DSCAM: variants seen among roughly 807,000 people sequenced by gnomAD.
The protein encoded by DSCAM is cell adhesion molecule DSCAM.
DSCAM carries 47 observed loss-of-function variants against 217.7 expected under a neutral mutation model. The ratio of observed to expected loss-of-function variants is 0.22; its 90% CI spans 0.17 to 0.28. DSCAM has a LOEUF of 0.28. Among genes scored for constraint, DSCAM ranks in the 10% least tolerant of loss-of-function variants. The probability of loss-of-function intolerance (pLI) is 1.00; values close to 1 mark genes in which losing one functional copy is unlikely to be tolerated. For missense variants in DSCAM, 2,080 were observed against 2,618.3 expected, an observed-to-expected ratio of 0.79 and a Z score of 4.49; for synonymous variants, 1,056 against 1,015.3, an observed-to-expected ratio of 1.04 and a Z score of -0.76.
At chr21:40,518,382 A>ATT (rs1301989315) in intron 3 of DSCAM, among the ~76,000 whole-genome samples, 1 of 118 alleles carries the variant, frequency 8.5e-3, no homozygotes. Context: ...ATATATATAT[A>ATT]ATATATTATA....
At chr21:40,805,292 CCT>C (rs2091775973) in intron 1 of DSCAM, among the ~76,000 whole-genome samples, 1 of 152,190 alleles carries the variant, frequency 6.6e-6, no homozygotes, top group Non-Finnish European at 1.5e-5. Context: ...TCTCTTTCCC[CCT>C]CTCTGTTTTG....
intron 1 of DSCAM, among the ~76,000 whole-genome samples, chr21:40,824,403 A>ATTTTTTCTTTTTTT (rs2091952087): frequency 8.3e-6 from 1 of 121,030 alleles, no homozygotes; most frequent in African/African-American, 3.5e-5. Flanking sequence ...TTTATTATTG[A>ATTTTTTCTTTTTTT]TTTTTTTTTT....
intron 3 of DSCAM, among the ~76,000 whole-genome samples, chr21:40,425,722 C>G (rs987859945): frequency 8.0e-6 from 1 of 124,508 alleles, no homozygotes. Context: ...AACTTAAAAA[C>G]AAAAATACAG....
intron 27 of DSCAM, among the ~76,000 whole-genome samples, chr21:40,065,414 G>T (rs772738705): frequency 2.8e-4 from 42 of 152,060 alleles, no homozygotes; most frequent in Non-Finnish European, 5.4e-4. Flanking sequence ...TTTGTTGAGG[G>T]TGAGAAGAGA....
At chr21:40,378,872 C>T (rs1018433718) in intron 3 of DSCAM, among the ~76,000 whole-genome samples, 2 of 152,058 alleles carry the variant, frequency 1.3e-5, no homozygotes, top group Non-Finnish European at 2.9e-5. Flanking sequence ...GGATTACAGG[C>T]GTGAGCCACC....
intron 3 of DSCAM, among the ~76,000 whole-genome samples, chr21:40,532,615 A>G (rs1441253465): frequency 6.6e-6 from 1 of 152,196 alleles, no homozygotes; most frequent in Non-Finnish European, 1.5e-5. Flanking sequence ...GTCCGGAACA[A>G]GAAAGCAAGC....
intron 27 of DSCAM, among the ~76,000 whole-genome samples, chr21:40,074,787 C>A (rs932952772): frequency 1.1e-4 from 17 of 152,118 alleles, no homozygotes; most frequent in African/African-American, 3.9e-4. Context: ...CCTTGCATAC[C>A]AACAGCTAGG....
chr21:40,355,524 T>TGAA (rs2074682378), intron 4 of DSCAM, among the ~76,000 whole-genome samples: 1 of 152,234 alleles, frequency 6.6e-6, no homozygotes, highest in Non-Finnish European at 1.5e-5. Context: ...TGCATGACTA[T>TGAA]GAAGAATATA....
intron 1 of DSCAM, among the ~76,000 whole-genome samples, chr21:40,758,701 G>C (rs1407067642): frequency 6.6e-6 from 1 of 152,022 alleles, no homozygotes; most frequent in Non-Finnish European, 1.5e-5. Context: ...AGGCGAGGAT[G>C]AGGGGGGCAG....
At chr21:40,810,907 A>G (rs2123542291) in intron 1 of DSCAM, among the ~76,000 whole-genome samples, 1 of 150,254 alleles carries the variant, frequency 6.7e-6, no homozygotes, top group African/African-American at 2.5e-5. Context: ...CCTGTCTCTA[A>G]AAAAAATGCT....
chr21:40,830,405 C>A (rs2092003240), intron 1 of DSCAM, among the ~76,000 whole-genome samples: 1 of 152,316 alleles, frequency 6.6e-6, no homozygotes, highest in Admixed American at 6.5e-5. Context: ...ACGTCTCCCA[C>A]CAGGCCCCAC....
At chr21:40,233,782 T>G (rs2091402799) in intron 11 of DSCAM, among the ~76,000 whole-genome samples, 1 of 152,236 alleles carries the variant, frequency 6.6e-6, no homozygotes, top group Non-Finnish European at 1.5e-5. Flanking sequence ...CGGCATTTAC[T>G]TTCCCAAGCA....
At position 40,668,102 on chromosome 21, in the gene DSCAM, C is replaced by T. The variant is rs147146685; in HGVS notation, c.508+24708G>A. Among the ~76,000 whole-genome samples, 54 of 152,308 alleles carry T rather than the reference C, an allele frequency of 3.5e-4. No individual in the cohort carries two copies. In the East Asian group the frequency reaches 8.9e-3, roughly 25 times the overall value. On this transcript the variant is annotated intron_variant, in intron 3 of 32. Coordinates refer to ENST00000400454, the MANE Select transcript of DSCAM (RefSeq NM_001389.5). ...GAGATACCAAATACAGTTGCTAGAG[C>T]TCCAGGCAACAGCACTGGGATCCAG...
At chr21:40,096,317 C>T (rs2089676065) in intron 20 of DSCAM, among the ~76,000 whole-genome samples, 1 of 152,064 alleles carries the variant, frequency 6.6e-6, no homozygotes, top group South Asian at 2.1e-4. Flanking sequence ...TGTCTCATGT[C>T]TCGCTAAAAT....
chr21:40,524,941 T>A (rs1469078992), intron 3 of DSCAM, among the ~76,000 whole-genome samples: 1 of 135,092 alleles, frequency 7.4e-6, no homozygotes. Context: ...ACCCGGGAGG[T>A]GGAGGTTGCA....
chr21:40,119,477 G>C (rs1215981310), intron 20 of DSCAM, among the ~76,000 whole-genome samples: 1 of 152,068 alleles, frequency 6.6e-6, no homozygotes. Context: ...AGGACTGACG[G>C]TTCTCTAAGA....
At position 40,075,104 on chromosome 21, in the gene DSCAM, C is replaced by A. The variant is rs2089346587; in HGVS notation, c.4821G>T (p.Leu1607Phe). The change falls in exon 27 of 33, where the codon TTG becomes TTT. Residue 1607 changes from leucine (L) to phenylalanine (F), a missense_variant. This residue lies in a region of DSCAM where 1,144 missense variants were observed against 1,421.1 expected (regional missense o/e 0.81). Coordinates refer to ENST00000400454, the MANE Select transcript of DSCAM (RefSeq NM_001389.5). ...CAACCAGCAGGAGCACAAACAGCAGCAAGACCCCCACCAGGATACAGGAGA... is the reference window on the plus strand; with the variant it reads ...CAACCAGCAGGAGCACAAACAGCAGAAAGACCCCCACCAGGATACAGGAGA... Reference protein sequence around the residue: ...VTISCILVGVLLLFVLLLVVR... With the variant: ...VTISCILVGVFLLFVLLLVVR... 6.2e-7 allele frequency: 1 copy of A among 1,614,062 alleles called. No individual in the cohort carries two copies. Among genetic ancestry groups the A allele is most frequent in the African/African-American group, 1.3e-5 (1 of 74,936 alleles).
intron 3 of DSCAM, among the ~76,000 whole-genome samples, chr21:40,678,795 T>G (rs2090368819): frequency 6.6e-6 from 1 of 152,184 alleles, no homozygotes; most frequent in African/African-American, 2.4e-5. Flanking sequence ...GATAAAAAAC[T>G]GAAAGTAAAG....
intron 32 of DSCAM, among the ~76,000 whole-genome samples, chr21:40,022,362 A>T (rs2088288903): frequency 6.6e-6 from 1 of 152,250 alleles, no homozygotes; most frequent in South Asian, 2.1e-4. Flanking sequence ...TCTGGCTTCA[A>T]ATACTAACGG....
Sources: allele counts gnomAD v4.1 joint callset (sites outside exome capture counted in the v4.1 genomes callset), GRCh38; gene constraint gnomAD v4.1.1; regional missense constraint gnomAD v4.1.1; transcripts MANE v1.5; gene names NCBI Gene and HGNC (gene_info 2026-07-23, HGNC 2026-07-21).